The following NR2C2 variants were observed in gnomAD, a reference collection of about 807,000 sequenced individuals.
The protein encoded by NR2C2 is nuclear receptor subfamily 2 group C member 2, also known as Nuclear hormone receptor TR4.
NR2C2 carries 6 observed loss-of-function variants against 62.9 expected under a neutral mutation model. The observed-to-expected ratio is 0.10, with a 90% CI of 0.05 to 0.19. The LOEUF is 0.19. Among genes scored for constraint, NR2C2 ranks in the 10% least tolerant of loss-of-function variants. The probability of loss-of-function intolerance (pLI) is 1.00; values close to 1 mark genes in which losing one functional copy is unlikely to be tolerated. For missense variants in NR2C2, 479 were observed against 762.7 expected (o/e 0.63, Z 4.38); for synonymous variants, 272 against 273.8 (o/e 0.99, Z 0.07).
At chr3:14,984,383 A>G (rs1473368332) in intron 1 of NR2C2, among the ~76,000 whole-genome samples, 3 of 152,016 alleles carry the variant, frequency 2.0e-5, no homozygotes, top group African/African-American at 7.3e-5. Context: ...AATTTTTAGG[A>G]TAGATACTCA....
At position 15,048,407 on chromosome 3, in the gene NR2C2, A is replaced by G. The variant is rs996669116; in HGVS notation, c.*5399A>G. ...GCTTAACAGCAGTCTACAAATAATT[A>G]AAGTGTGAGCTTAAGAAAAGTATCT... is the stretch of plus-strand genomic sequence containing the variant. On this transcript the variant is annotated 3_prime_UTR_variant, in exon 14 of 14. Transcript: ENST00000425241. 8.5e-5 allele frequency: 13 copies of G among 152,796 alleles called. No homozygotes were observed. Among genetic ancestry groups the G allele is most frequent in the African/African-American group, 2.9e-4 (12 of 41,588 alleles). The allele number at this position is 152,796 out of a possible 1,614,324, so 9.5% of individuals were successfully genotyped here.
intron 10 of NR2C2, 72 bp downstream of exon 10, chr3:15,032,572 C>T (rs1241261374): frequency 2.3e-5 from 36 of 1,572,176 alleles, no homozygotes; most frequent in Non-Finnish European, 3.1e-5. Flanking sequence ...CCTGGAAGAA[C>T]TCTGAGGGCC....
Position 14,978,460 on chromosome 3 carries a change from A to G in NR2C2, c.-39-25416A>G, listed in dbSNP as rs557157464. Among the ~76,000 whole-genome samples the G allele has an allele frequency of 3.5e-4, 53 of 152,352 alleles. 1 individual carries two copies. The South Asian group carries it at 3.9e-3, about 11-fold the overall frequency. ...ACAGAATGGTCATCTAGGTATTTAA[A>G]GCACTGTTTCTACTGAATGTGTATT... is the stretch of plus-strand genomic sequence containing the variant. On this transcript the variant is annotated intron_variant, in intron 1 of 13. Coordinates refer to ENST00000425241, the MANE Select transcript of NR2C2 (RefSeq NM_001291694.2).
chr3:14,991,749 CTTTTTTT>C (rs869094168), intron 1 of NR2C2, among the ~76,000 whole-genome samples: 3 of 132,234 alleles, frequency 2.3e-5, no homozygotes, highest in African/African-American at 8.4e-5. Flanking sequence ...TCCCTTTTTT[CTTTTTTT>C]TTTTTCTTTT....
intron 11 of NR2C2, among the ~76,000 whole-genome samples, chr3:15,035,764 C>A (rs562467512): frequency 6.6e-6 from 1 of 152,240 alleles, no homozygotes; most frequent in Non-Finnish European, 1.5e-5. Flanking sequence ...CAGTGGCTCA[C>A]GCCTATAATC....
chr3:14,949,637 C>T (rs1272317782), intron 1 of NR2C2, among the ~76,000 whole-genome samples: 1 of 152,182 alleles, frequency 6.6e-6, no homozygotes, highest in African/African-American at 2.4e-5. Context: ...CCTTCGTCAG[C>T]CTCTTATATA....
At position 14,989,468 on chromosome 3, in the gene NR2C2, G is replaced by A. The variant is rs534174261; in HGVS notation, c.-39-14408G>A. 2.6e-5 allele frequency among the ~76,000 whole-genome samples: 4 copies of A among 152,192 alleles called. No individual in the cohort carries two copies. In the South Asian group the frequency reaches 8.3e-4, roughly 32 times the overall value. On this transcript the variant is annotated intron_variant, in intron 1 of 13. Transcript: ENST00000425241. ...CCATATATTCTTGCCTACACTTTAA[G>A]TGAAAGAGGAACTTGTAAAGACCTC...
At chr3:15,005,784 A>C (rs951260333) in intron 2 of NR2C2, among the ~76,000 whole-genome samples, 3 of 151,164 alleles carry the variant, frequency 2.0e-5, no homozygotes, top group Middle Eastern at 3.2e-3. Flanking sequence ...ATTTTTTCCC[A>C]TTTTTTTCCT....
At chr3:14,972,161 T>C (rs1031550867) in intron 1 of NR2C2, among the ~76,000 whole-genome samples, 4 of 150,870 alleles carry the variant, frequency 2.7e-5, no homozygotes, top group Non-Finnish European at 5.9e-5. Context: ...CTCTTTTTTT[T>C]TTCTTTTTCT....
At chr3:14,974,870 C>T (rs866668814) in intron 1 of NR2C2, among the ~76,000 whole-genome samples, 2 of 152,140 alleles carry the variant, frequency 1.3e-5, no homozygotes, top group Middle Eastern at 3.2e-3. Flanking sequence ...TCCCAAAGTG[C>T]TGGGATTACA....
At chr3:14,998,548 C>A (rs1246807405) in intron 1 of NR2C2, among the ~76,000 whole-genome samples, 1 of 152,112 alleles carries the variant, frequency 6.6e-6, no homozygotes, top group Non-Finnish European at 1.5e-5. Context: ...TGCTTATTGG[C>A]CATTTGTATA....
At chr3:15,009,940 T>C (rs971418906) in intron 2 of NR2C2, among the ~76,000 whole-genome samples, 3 of 152,222 alleles carry the variant, frequency 2.0e-5, no homozygotes, top group Non-Finnish European at 2.9e-5. Context: ...CATTGCCACA[T>C]GGTCTTCTTA....
At position 15,042,878 on chromosome 3, in the gene NR2C2, G is replaced by A; in HGVS notation, c.1661G>A (p.Ser554Asn). 1 of 1,614,138 alleles carries A rather than the reference G, an allele frequency of 6.2e-7. No individual in the cohort carries two copies. Among genetic ancestry groups the A allele is most frequent in the Non-Finnish European group, 8.5e-7 (1 of 1,180,020 alleles). ...CGCCTGCCGGCACTCAGGCTGATGA[G>A]CTCCAACATAACAGAAGAACTTTTT... ...LVRLPALRLM[S>N]SNITEELFFT... Residue 554 changes from serine to asparagine, a missense_variant, in exon 14 of 14, where the codon AGC (serine) becomes AAC (asparagine). This residue lies in a region of NR2C2 where 162 missense variants were observed against 296.8 expected (regional missense o/e 0.55). Transcript: ENST00000425241.
At position 15,016,925 on chromosome 3, in the gene NR2C2, G is replaced by A. The variant is rs149697508; in HGVS notation, c.376+671G>A. ...GTCTGGCCCAAAAATTCAAGTGCTG[G>A]CCTGCTTGTACTGGGGATCCATAGA... On this transcript the variant is annotated intron_variant, in intron 4 of 13. Coordinates refer to ENST00000425241, the MANE Select transcript of NR2C2 (RefSeq NM_001291694.2). 4.4e-3 allele frequency among the ~76,000 whole-genome samples: 676 copies of A among 152,304 alleles called. 1 individual carries two copies. The highest frequency in any genetic ancestry group is 0.016 in the African/African-American group (646 of 41,572).
chr3:15,010,093 G>A (rs901752628), intron 2 of NR2C2, among the ~76,000 whole-genome samples: 1 of 152,040 alleles, frequency 6.6e-6, no homozygotes, highest in Non-Finnish European at 1.5e-5. Context: ...TCTTTTCAGG[G>A]GGTACAGTTC....
chr3:14,980,294 G>C (rs2040327982), intron 1 of NR2C2, among the ~76,000 whole-genome samples: 1 of 151,218 alleles, frequency 6.6e-6, no homozygotes, highest in African/African-American at 2.4e-5. Flanking sequence ...AGGATTACAG[G>C]TGTGCACCAT....
chr3:15,048,514 GAAA>G lies in NR2C2; in HGVS notation c.*5512_*5514del, dbSNP rs768359396. The G allele has an allele frequency of 1.3e-5, 2 of 152,062 alleles. No individual in the cohort carries two copies. The highest frequency in any genetic ancestry group is 1.9e-4 in the East Asian group (1 of 5,196). 9.4% of individuals were successfully genotyped at this position (152,062 alleles called of 1,614,324 possible). A position where few individuals can be genotyped will look rare whatever the true frequency, so the allele number is the denominator to read the frequency against. On this transcript the variant is annotated 3_prime_UTR_variant, in exon 14 of 14. Transcript: ENST00000425241. ...TCTTGATATTTATACATGCAAAATA[GAAA>G]AAAAATGTTCAACATTTATTGATTG...
chr3:15,001,127 T>G (rs1173355425), intron 1 of NR2C2, among the ~76,000 whole-genome samples: 1 of 152,078 alleles, frequency 6.6e-6, no homozygotes, highest in Non-Finnish European at 1.5e-5. Context: ...TTAGGTGTTT[T>G]AAATTTCTCA....
At chr3:15,012,836 A>G (rs1236505355) in intron 2 of NR2C2, among the ~76,000 whole-genome samples, 2 of 152,220 alleles carry the variant, frequency 1.3e-5, no homozygotes, top group Non-Finnish European at 2.9e-5. Context: ...GACTGATGCA[A>G]TTAGACAAGG....
Sources: gnomAD v4.1 joint callset for allele counts (sites outside exome capture counted in the v4.1 genomes callset) on GRCh38, gnomAD v4.1.1 for gene constraint, gnomAD v4.1.1 regional missense constraint, MANE v1.5 for transcripts, NCBI Gene and HGNC (gene_info 2026-07-23, HGNC 2026-07-21) for gene names.